MCU: variants seen among roughly 807,000 people sequenced by gnomAD.
MCU encodes the protein calcium uniporter protein, mitochondrial.
Under a neutral mutation model 45.2 loss-of-function variants are expected in MCU, and 12 were observed. The ratio of observed to expected loss-of-function variants is 0.27; its 90% CI spans 0.17 to 0.43. MCU has a LOEUF of 0.43. MCU is among the 20% of genes least tolerant of loss of function. MCU has a pLI of 1.00. For missense variants in MCU, 324 were observed against 436.7 expected (o/e 0.74, Z 2.30); for synonymous variants, 160 against 165.1 (o/e 0.97, Z 0.24).
chr10:72,853,911 A>G (rs1349746822), intron 2 of MCU, among the ~76,000 whole-genome samples: 1 of 152,188 alleles, frequency 6.6e-6, no homozygotes, highest in Non-Finnish European at 1.5e-5. Flanking sequence ...AGGCAGGTGG[A>G]TCCCCTGAGG....
intron 1 of MCU, among the ~76,000 whole-genome samples, chr10:72,832,516 G>A (rs1192310665): frequency 6.6e-6 from 1 of 152,130 alleles, no homozygotes; most frequent in Non-Finnish European, 1.5e-5. Context: ...GAGGAAAAAA[G>A]AGCCTACAGG....
intron 4 of MCU, among the ~76,000 whole-genome samples, chr10:72,861,981 CTTTT>C (rs1252900155): frequency 1.5e-5 from 2 of 131,856 alleles, no homozygotes; most frequent in Non-Finnish European, 3.3e-5. Context: ...TGAGTTGTGT[CTTTT>C]TTTTTTTTTT....
At chr10:72,764,376 A>G (rs1021109266) in intron 1 of MCU, among the ~76,000 whole-genome samples, 6 of 152,126 alleles carry the variant, frequency 3.9e-5, no homozygotes, top group Non-Finnish European at 8.8e-5. Flanking sequence ...TGGGAGTGGA[A>G]TTTGTGTGTA....
intron 1 of MCU, among the ~76,000 whole-genome samples, chr10:72,831,663 A>T (rs372029213): frequency 6.6e-6 from 1 of 152,170 alleles, no homozygotes; most frequent in Non-Finnish European, 1.5e-5. Context: ...GTATGGGGGG[A>T]AAATACAGCA....
chr10:72,854,994 C>T (rs1845265898), intron 2 of MCU, among the ~76,000 whole-genome samples: 1 of 152,188 alleles, frequency 6.6e-6, no homozygotes, highest in Non-Finnish European at 1.5e-5. Flanking sequence ...GTAATCCCAG[C>T]ACTTTGGGAG....
At chr10:72,865,376 T>C (rs1385666163) in intron 4 of MCU, among the ~76,000 whole-genome samples, 2 of 152,204 alleles carry the variant, frequency 1.3e-5, no homozygotes, top group Non-Finnish European at 2.9e-5. Flanking sequence ...AGTAATTCAA[T>C]AGCAGCATTG....
At chr10:72,834,533 A>T in intron 2 of MCU, 105 bp downstream of exon 2, 1 of 929,378 alleles carries the variant, frequency 1.1e-6, no homozygotes. Context: ...TCTTTCAGTT[A>T]AGGTGGGCTT....
At chr10:72,777,625 G>T (rs1376564962) in intron 1 of MCU, among the ~76,000 whole-genome samples, 1 of 152,146 alleles carries the variant, frequency 6.6e-6, no homozygotes, top group African/African-American at 2.4e-5. Context: ...ACCCTCCAGG[G>T]CACTGGTCTA....
Position 72,707,907 on chromosome 10 carries a change from A to G in MCU, c.150+15606A>G, listed in dbSNP as rs1842843997. 2.6e-5 allele frequency among the ~76,000 whole-genome samples: 4 copies of G among 151,998 alleles called. No homozygotes were observed. In the South Asian group the frequency reaches 6.2e-4, roughly 24 times the overall value. The stretch of plus-strand genomic sequence containing the variant: ...CAGACTGGTCTTGAACTCCTGGGCT[A>G]AAGTGATCCTCCTGCCTCACCTTCT... On this transcript the variant is annotated intron_variant, in intron 1 of 7. Coordinates refer to ENST00000373053, the MANE Select transcript of MCU (RefSeq NM_138357.3).
intron 1 of MCU, among the ~76,000 whole-genome samples, chr10:72,791,084 CAT>C (rs1313896179): frequency 1.3e-5 from 2 of 152,104 alleles, no homozygotes; most frequent in African/African-American, 4.8e-5. Context: ...GGGTGGCAAA[CAT>C]ATATTAAAAT....
chr10:72,789,765 T>C (rs1844130461), intron 1 of MCU, among the ~76,000 whole-genome samples: 1 of 152,200 alleles, frequency 6.6e-6, no homozygotes, highest in Admixed American at 6.5e-5. Context: ...AAAAAGACTA[T>C]CAATATCTTA....
At chr10:72,720,747 T>A (rs1843010179) in intron 1 of MCU, among the ~76,000 whole-genome samples, 1 of 152,240 alleles carries the variant, frequency 6.6e-6, no homozygotes, top group African/African-American at 2.4e-5. Context: ...CAGATTTTAC[T>A]TGTATTCTCT....
chr10:72,884,181 T>G, intron 6 of MCU, 85 bp from the exon 7 acceptor site: 1 of 797,946 alleles, frequency 1.3e-6, no homozygotes, highest in East Asian at 2.4e-5. Context: ...CGCATACATA[T>G]GTATTGAATC....
intron 1 of MCU, among the ~76,000 whole-genome samples, chr10:72,833,714 G>C (rs929905816): frequency 6.6e-6 from 1 of 152,216 alleles, no homozygotes; most frequent in African/African-American, 2.4e-5. Context: ...ACATGGTTTA[G>C]TTATGAGAAC....
chr10:72,703,329 CAG>C (rs891537696), intron 1 of MCU, among the ~76,000 whole-genome samples: 8 of 152,112 alleles, frequency 5.3e-5, no homozygotes, highest in Non-Finnish European at 1.2e-4. Flanking sequence ...ATGATTTGCC[CAG>C]AGTCACAGCT....
intron 1 of MCU, among the ~76,000 whole-genome samples, chr10:72,713,403 C>G (rs1042572084): frequency 6.6e-6 from 1 of 152,170 alleles, no homozygotes; most frequent in Non-Finnish European, 1.5e-5. Flanking sequence ...CCTCAGCCTC[C>G]CGAGTAGCTG....
At chr10:72,773,854 A>C (rs996016017) in intron 1 of MCU, among the ~76,000 whole-genome samples, 7 of 152,204 alleles carry the variant, frequency 4.6e-5, no homozygotes, top group African/African-American at 1.4e-4. Flanking sequence ...AAAAACTGCC[A>C]CCCAAGAATA....
At chr10:72,735,735 A>G (rs888083990) in intron 1 of MCU, among the ~76,000 whole-genome samples, 6 of 152,208 alleles carry the variant, frequency 3.9e-5, no homozygotes, top group Admixed American at 1.3e-4. Flanking sequence ...CAGAAGCTGG[A>G]TGAACACTTG....
At chr10:72,821,881 G>GGA (rs745948236) in intron 1 of MCU, among the ~76,000 whole-genome samples, 1 of 152,064 alleles carries the variant, frequency 6.6e-6, no homozygotes, top group Non-Finnish European at 1.5e-5. Flanking sequence ...TACATTTCAA[G>GGA]GGATTTAAAT....
Sources: allele counts gnomAD v4.1 joint callset (sites outside exome capture counted in the v4.1 genomes callset), GRCh38; gene constraint gnomAD v4.1.1; transcripts MANE v1.5; gene names NCBI Gene and HGNC (gene_info 2026-07-23, HGNC 2026-07-21).